The following MTOR variants were observed in gnomAD, a reference collection of about 807,000 sequenced individuals.
MTOR encodes serine/threonine-protein kinase mTOR.
Under a neutral mutation model 319.8 loss-of-function variants are expected in MTOR, and 70 were observed. That is an observed-to-expected ratio of 0.22 (90% CI 0.18 to 0.27). The LOEUF (loss-of-function observed/expected upper bound fraction) is 0.27, where lower values mean the gene tolerates loss of function less well. MTOR is among the 10% of genes least tolerant of loss of function. MTOR has a pLI of 1.00. For missense variants in MTOR, 1,890 were observed against 3,274.4 expected, an observed-to-expected ratio of 0.58 and a Z score of 10.32; for synonymous variants, 1,183 against 1,211.4, an observed-to-expected ratio of 0.98 and a Z score of 0.49.
chr1:11,132,173 G>A (rs934897029), intron 38 of MTOR: 1 of 152,150 alleles, frequency 6.6e-6, no homozygotes, highest in Admixed American at 6.5e-5. Flanking sequence ...CTTGTGATTT[G>A]CTTACTTCCT....
chr1:11,218,396 C>T (rs1646548338), intron 19 of MTOR, among the ~76,000 whole-genome samples: 1 of 151,452 alleles, frequency 6.6e-6, no homozygotes, highest in African/African-American at 2.4e-5. Context: ...CACCATTGTA[C>T]TCCAACCTGG....
Position 11,106,610 on chromosome 1 carries a change from C to A in MTOR, c.*875G>T. The stretch of plus-strand genomic sequence containing the variant: ...AACATGGTGTCTAGACATGGCTACA[C>A]TTTATACTTTGTGCATTTAGTTGAG... On this transcript the variant is annotated 3_prime_UTR_variant, in exon 58 of 58. Coordinates refer to ENST00000361445, the MANE Select transcript of MTOR (RefSeq NM_004958.4). 1 of 1,088,032 alleles carries A rather than the reference C, an allele frequency of 9.2e-7. No individual in the cohort carries two copies. The highest frequency in any genetic ancestry group is 1.1e-6 in the Non-Finnish European group (1 of 892,252). 67.4% of individuals were successfully genotyped at this position (1,088,032 alleles called of 1,614,324 possible).
At position 11,128,756 on chromosome 1, in the gene MTOR, C is replaced by T. The variant is rs915057812; in HGVS notation, c.5811+99G>A. 2 of 1,122,724 alleles carry T rather than the reference C, an allele frequency of 1.8e-6. No homozygotes were observed. 69.5% of individuals were successfully genotyped at this position (1,122,724 alleles called of 1,614,324 possible). On this transcript the variant is annotated intron_variant, in intron 41 of 57. Transcript: ENST00000361445. The surrounding 1 kb of genome is among the most constrained non-coding windows in gnomAD (Gnocchi z 5.3). ...CCCTACTTCCTTAGCACTGTATTAACACACACTGCCTTGTGACACTGAACA... is the reference window on the plus strand; with the variant it reads ...CCCTACTTCCTTAGCACTGTATTAATACACACTGCCTTGTGACACTGAACA...
intron 36 of MTOR, chr1:11,139,034 CCTTT>C (rs1363648772): frequency 2.3e-5 from 9 of 384,962 alleles, no homozygotes; most frequent in Non-Finnish European, 3.7e-5. Flanking sequence ...GAAAGTGTGC[CCTTT>C]CTATGTCCCA....
chr1:11,126,585 G>C, intron 46 of MTOR, 37 bp downstream of exon 46: 1 of 1,605,086 alleles, frequency 6.2e-7, no homozygotes, highest in Non-Finnish European at 8.5e-7. Flanking sequence ...AGTGTAGGAG[G>C]GAGAAGTGGG....
At chr1:11,233,903 G>A (rs951438696) in intron 14 of MTOR, among the ~76,000 whole-genome samples, 1 of 152,134 alleles carries the variant, frequency 6.6e-6, no homozygotes, top group Non-Finnish European at 1.5e-5. Flanking sequence ...AAACATCTGC[G>A]ATGATGTGCC....
At position 11,115,719 on chromosome 1, in the gene MTOR, C is replaced by A; in HGVS notation, c.7017-251G>T. On this transcript the variant is annotated intron_variant, in intron 50 of 57. Transcript: ENST00000361445. The surrounding 1 kb of genome is among the most constrained non-coding windows in gnomAD (Gnocchi z 4.5). ...TAGTTGTGACAGAGACCAAAGGGCC[C>A]ACAAAGCCTAAAACGACCTATTAAC... 2.2e-6 allele frequency: 1 copy of A among 461,098 alleles called. No homozygotes were observed. Among genetic ancestry groups the A allele is most frequent in the Non-Finnish European group, 4.0e-6 (1 of 252,008 alleles). The allele number at this position is 461,098 out of a possible 1,614,324, so 28.6% of individuals were successfully genotyped here.
At chr1:11,195,540 C>A (rs1412410729) in intron 28 of MTOR, 1 of 155,026 alleles carries the variant, frequency 6.5e-6, no homozygotes, top group African/African-American at 2.4e-5. Flanking sequence ...TGAGTCTACA[C>A]ATTATTTTTA....
chr1:11,160,843 C>T (rs1465335191), intron 29 of MTOR, among the ~76,000 whole-genome samples: 2 of 152,228 alleles, frequency 1.3e-5, no homozygotes, highest in African/African-American at 4.8e-5. Flanking sequence ...CTCCAGTCTA[C>T]AGCTCCCAGT....
rs116120951 is a variant in MTOR, at chr1:11,257,745, C to A, written c.272-580G>T. 4.7e-3 allele frequency among the ~76,000 whole-genome samples: 710 copies of A among 152,152 alleles called. 4 individuals are homozygous for A. Among genetic ancestry groups the A allele is most frequent in the Non-Finnish European group, 6.9e-3 (469 of 68,006 alleles). ...TGCTAGTATAATTTTCTCCCCTACC[C>A]CCCAAAAAGGGAAAACAACTGGGAC... On this transcript the variant is annotated intron_variant, in intron 3 of 57. Transcript: ENST00000361445.
intron 26 of MTOR, among the ~76,000 whole-genome samples, chr1:11,202,420 C>CAAAAAA (rs35136193): frequency 2.8e-5 from 2 of 72,134 alleles, no homozygotes; most frequent in South Asian, 6.2e-4. Flanking sequence ...AACTCCGTCT[C>CAAAAAA]AAAAAAAAAA....
chr1:11,118,477 C>T (rs553600224), intron 49 of MTOR, among the ~76,000 whole-genome samples: 15 of 151,576 alleles, frequency 9.9e-5, no homozygotes, highest in South Asian at 6.3e-4. Flanking sequence ...CCTCGTGATC[C>T]GCCCGCCTCG....
chr1:11,221,352 G>A (rs1003677403), intron 19 of MTOR, among the ~76,000 whole-genome samples: 1 of 151,870 alleles, frequency 6.6e-6, no homozygotes, highest in Non-Finnish European at 1.5e-5. Context: ...AGAAACAAAT[G>A]AGTATAACTA....
At chr1:11,231,197 G>C in intron 17 of MTOR, 103 bp downstream of exon 17, 1 of 1,582,382 alleles carries the variant, frequency 6.3e-7, no homozygotes. Context: ...AGAGGGACAG[G>C]AAGTCTGACT....
intron 19 of MTOR, among the ~76,000 whole-genome samples, chr1:11,223,423 C>A (rs1646732142): frequency 6.6e-6 from 1 of 151,720 alleles, no homozygotes; most frequent in Non-Finnish European, 1.5e-5. Context: ...TAATATGATA[C>A]CTGTAATTTG....
intron 28 of MTOR, among the ~76,000 whole-genome samples, chr1:11,181,211 G>A (rs766029639): frequency 3.3e-5 from 5 of 152,122 alleles, no homozygotes; most frequent in East Asian, 1.9e-4. Flanking sequence ...ATAAACAGGA[G>A]AGGGAGAAAA....
chr1:11,108,158 G>C (rs781344431), intron 57 of MTOR, 23 bp downstream of exon 57: 6 of 1,595,862 alleles, frequency 3.8e-6, no homozygotes, highest in Non-Finnish European at 4.3e-6. Flanking sequence ...TTTTAACAAA[G>C]TCACTTTGAG....
intron 25 of MTOR, among the ~76,000 whole-genome samples, chr1:11,205,886 G>A (rs550481582): frequency 1.3e-5 from 2 of 152,274 alleles, no homozygotes; most frequent in Admixed American, 6.5e-5. Context: ...CTAGTGAAGT[G>A]GTCCAGTGAG....
At chr1:11,198,968 CT>C (rs1482976214) in intron 28 of MTOR, among the ~76,000 whole-genome samples, 4 of 152,198 alleles carry the variant, frequency 2.6e-5, no homozygotes, top group Non-Finnish European at 4.4e-5. Context: ...TCTTCCTAGG[CT>C]GCCATGGCCA....
Sources: gnomAD v4.1 joint callset for allele counts (sites outside exome capture counted in the v4.1 genomes callset) on GRCh38, gnomAD v4.1.1 for gene constraint, Gnocchi (gnomAD v3.1) non-coding constraint, MANE v1.5 for transcripts, NCBI Gene and HGNC (gene_info 2026-07-23, HGNC 2026-07-21) for gene names.